Variants in FGB observed in about 807,000 individuals in gnomAD.
The protein encoded by FGB is beta-fibrinogen.
FGB carries 25 observed loss-of-function variants against 57.9 expected under a neutral mutation model. The observed-to-expected ratio is 0.43, with a 90% CI of 0.31 to 0.60. FGB has a LOEUF of 0.60. FGB is among the 20% of genes least tolerant of loss of function. FGB has a pLI of 0.08. For missense variants in FGB, 536 were observed against 598.4 expected, an observed-to-expected ratio of 0.90 and a Z score of 1.09; for synonymous variants, 203 against 199.2, an observed-to-expected ratio of 1.02 and a Z score of -0.16.
At chr4:154,564,483 A>G (rs1165146890) in intron 1 of FGB, among the ~76,000 whole-genome samples, 1 of 152,162 alleles carries the variant, frequency 6.6e-6, no homozygotes, top group Non-Finnish European at 1.5e-5. Context: ...ATATGTATAT[A>G]TCCTCCGAAT....
In FGB at chr4:154,570,578, G is replaced by T; in HGVS notation, c.1404G>T (p.Met468Ile). Reference protein sequence around the residue: ...KHGTDDGVVWMNWKGSWYSMR... With the variant: ...KHGTDDGVVWINWKGSWYSMR... ...GCACAGATGATGGTGTAGTATGGATGAATTGGAAGGGGTCATGGTACTCAA... is the reference window on the plus strand; with the variant it reads ...GCACAGATGATGGTGTAGTATGGATTAATTGGAAGGGGTCATGGTACTCAA... Residue 468 changes from methionine (M) to isoleucine (I), a missense_variant, in exon 8 of 8, where the codon ATG becomes ATT. By Grantham distance (10) the Met-to-Ile change is conservative. Coordinates refer to ENST00000302068, the MANE Select transcript of FGB (RefSeq NM_005141.5). 3 of 1,614,174 alleles carry T rather than the reference G, an allele frequency of 1.9e-6. No individual in the cohort carries two copies. Among genetic ancestry groups the T allele is most frequent in the Non-Finnish European group, 2.5e-6 (3 of 1,180,020 alleles).
At position 154,571,926 on chromosome 4, in the gene FGB, A is replaced by G. The variant is rs546665672; in HGVS notation, c.*1276A>G. The stretch of plus-strand genomic sequence containing the variant: ...TAATTTCTGTCTTGGAAATGCTACT[A>G]CTCTCTTTAATTACTCACCAAATCC... On this transcript the variant is annotated 3_prime_UTR_variant, in exon 8 of 8. Transcript: ENST00000302068. Among the ~76,000 whole-genome samples, 1 of 151,600 alleles carries G rather than the reference A, an allele frequency of 6.6e-6. No homozygotes were observed. The highest frequency in any genetic ancestry group is 1.9e-4 in the East Asian group (1 of 5,138).
rs536572171 is a variant in FGB, at chr4:154,564,780, T to C, written c.115-1028T>C. Among the ~76,000 whole-genome samples, 6 of 152,180 alleles carry C rather than the reference T, an allele frequency of 3.9e-5. No individual in the cohort carries two copies. The East Asian group carries it at 1.2e-3, about 29-fold the overall frequency. On this transcript the variant is annotated intron_variant, in intron 1 of 7. Coordinates refer to ENST00000302068, the MANE Select transcript of FGB (RefSeq NM_005141.5). ...ACTGACAAAAAAAAAAATGAGAATG[T>C]AGTTAATCCAAATCAAAACTTTCCT...
Position 154,570,641 on chromosome 4 carries a change from A to G in FGB, c.1467A>G (p.Pro489=). ...GTATGAAGATCAGGCCCTTCTTCCC[A>G]CAGCAATAGTCCCCAATACGTAGAT... ...KMSMKIRPFF[P]QQ is the part of the protein sequence containing the mutation. The change falls in exon 8 of 8, where the codon CCA becomes CCG. Residue 489 remains proline, a synonymous_variant. Transcript: ENST00000302068. 1 of 1,612,576 alleles carries G rather than the reference A, an allele frequency of 6.2e-7. No individual in the cohort carries two copies. The highest frequency in any genetic ancestry group is 1.1e-5 in the South Asian group (1 of 91,052).
chr4:154,564,715 G>A (rs1476339162), intron 1 of FGB, among the ~76,000 whole-genome samples: 1 of 151,548 alleles, frequency 6.6e-6, no homozygotes, highest in Admixed American at 6.6e-5. Context: ...AAATCATGTC[G>A]TTTGTTAATT....
chr4:154,570,481 G>T lies in FGB; in HGVS notation c.1307G>T (p.Arg436Ile). 1 of 1,614,150 alleles carries T rather than the reference G, an allele frequency of 6.2e-7. No homozygotes were observed. The highest frequency in any genetic ancestry group is 8.5e-7 in the Non-Finnish European group (1 of 1,180,026). ...KEDGGGWWYN[R>I]CHAANPNGRY... ...GACGGTGGTGGATGGTGGTATAATA[G>T]ATGTCATGCAGCCAATCCAAACGGC... The change falls in exon 8 of 8, where the codon AGA (arginine) becomes ATA (isoleucine). Residue 436 changes from arginine to isoleucine, a missense_variant. Arg to Ile is a moderately conservative substitution (Grantham distance 97). Around this residue, in one of 3 missense-constraint regions of FGB, gnomAD observed 177 missense variants for 193.7 expected, o/e 0.91. Coordinates refer to ENST00000302068, the MANE Select transcript of FGB (RefSeq NM_005141.5).
rs1730389489 is a variant in FGB, at chr4:154,570,712, G to T, written c.*62G>T. 1 of 1,307,540 alleles carries T rather than the reference G, an allele frequency of 7.6e-7. No homozygotes were observed. Among genetic ancestry groups the T allele is most frequent in the Non-Finnish European group, 1.1e-6 (1 of 908,482 alleles). The allele number at this position is 1,307,540 out of a possible 1,614,324, so 81.0% of individuals were successfully genotyped here. On this transcript the variant is annotated 3_prime_UTR_variant, in exon 8 of 8. Coordinates refer to ENST00000302068, the MANE Select transcript of FGB (RefSeq NM_005141.5). ...CAACATTTTTGTACATTATGTTATT[G>T]GAATTTTCTTTCATACATTATATTC...
chr4:154,568,668 A>C (rs1157624332), intron 5 of FGB, among the ~76,000 whole-genome samples, 174 bp downstream of exon 5: 1 of 143,444 alleles, frequency 7.0e-6, no homozygotes, highest in Non-Finnish European at 1.5e-5. Flanking sequence ...CAACATAATG[A>C]GACCCTAACT....
chr4:154,563,048 C>G lies in FGB; in HGVS notation c.30C>G (p.His10Gln), dbSNP rs1730012638. ...AAAGGATGGTTTCTTGGAGCTTCCA[C>G]AAACTTAAAACCATGAAACATCTAT... MKRMVSWSF[H>Q]KLKTMKHLLL... is the part of the protein sequence containing the mutation. Residue 10 changes from histidine (H) to glutamine (Q), a missense_variant, in exon 1 of 8, where the codon CAC becomes CAG. By Grantham distance (24) the His-to-Gln change is conservative. Around this residue, in one of 3 missense-constraint regions of FGB, gnomAD observed 354 missense variants for 383.4 expected, o/e 0.92. Coordinates refer to ENST00000302068, the MANE Select transcript of FGB (RefSeq NM_005141.5). The G allele has an allele frequency of 2.6e-6, 4 of 1,567,098 alleles. No homozygotes were observed. Among genetic ancestry groups the G allele is most frequent in the East Asian group, 2.3e-5 (1 of 42,830 alleles).
chr4:154,568,161 G>C (rs1220397471), intron 4 of FGB, among the ~76,000 whole-genome samples: 1 of 152,174 alleles, frequency 6.6e-6, no homozygotes, highest in Non-Finnish European at 1.5e-5. Flanking sequence ...ACAAAAGGTG[G>C]AGAAGAGCTT....
intron 1 of FGB, among the ~76,000 whole-genome samples, chr4:154,564,769 AAAT>A (rs1430602050): frequency 6.6e-6 from 1 of 152,118 alleles, no homozygotes; most frequent in Non-Finnish European, 1.5e-5. Flanking sequence ...ACAAAAAAAA[AAAT>A]GAGAATGTAG....
At chr4:154,568,667 G>A (rs920321664) in intron 5 of FGB, among the ~76,000 whole-genome samples, 173 bp downstream of exon 5, 8 of 129,388 alleles carry the variant, frequency 6.2e-5, no homozygotes, top group African/African-American at 2.4e-4. Flanking sequence ...GCAACATAAT[G>A]AGACCCTAAC....
At chr4:154,568,858 A>G (rs1443728235) in intron 5 of FGB, among the ~76,000 whole-genome samples, 1 of 150,880 alleles carries the variant, frequency 6.6e-6, no homozygotes, top group Admixed American at 6.6e-5. Flanking sequence ...TCCTGTCTCA[A>G]AAAAAAAAAT....
chr4:154,566,758 A>G (rs987818339), intron 3 of FGB, 86 bp downstream of exon 3: 20 of 1,327,170 alleles, frequency 1.5e-5, no homozygotes, highest in Non-Finnish European at 2.0e-5. Flanking sequence ...TTGTGAGAAG[A>G]TTAACATTTC....
intron 4 of FGB, among the ~76,000 whole-genome samples, chr4:154,568,087 C>A (rs1414643759): frequency 1.3e-5 from 2 of 152,096 alleles, no homozygotes; most frequent in Non-Finnish European, 2.9e-5. Context: ...GATGGCAGAA[C>A]CACAGATAGA....
chr4:154,568,061 C>G (rs936638451), intron 4 of FGB, among the ~76,000 whole-genome samples: 1 of 152,102 alleles, frequency 6.6e-6, no homozygotes, highest in Non-Finnish European at 1.5e-5. Flanking sequence ...TGTGCATCTG[C>G]GTACTGGCTT....
rs1315666345 is a variant in FGB, at chr4:154,569,788, C to T, written c.1233C>T (p.Asp411=). Residue 411 remains aspartate, a synonymous_variant, in exon 7 of 8, where the codon GAC becomes GAT. Transcript: ENST00000302068. ...NGMFFSTYDR[D]NDGWLTSDPR... is the part of the protein sequence containing the mutation. ...TGTTCTTCAGCACGTATGACAGAGA[C>T]AATGACGGCTGGTATGTGTGGCACT... The T allele has an allele frequency of 3.1e-6, 5 of 1,614,154 alleles. No individual in the cohort carries two copies. In the South Asian group the frequency reaches 5.5e-5, roughly 18 times the overall value.
intron 5 of FGB, 132 bp downstream of exon 5, chr4:154,568,626 G>A: frequency 1.5e-6 from 1 of 678,736 alleles, no homozygotes; most frequent in Admixed American, 2.0e-5. Context: ...TGGGCTGATA[G>A]CTTGAGCCTA....
intron 5 of FGB, 89 bp from the exon 6 acceptor site, chr4:154,569,093 G>A: frequency 7.3e-7 from 1 of 1,372,218 alleles, no homozygotes; most frequent in Non-Finnish European, 1.0e-6. Context: ...TATACTAAAT[G>A]GAATGGACAG....
Sources: allele counts gnomAD v4.1 joint callset (sites outside exome capture counted in the v4.1 genomes callset), GRCh38; gene constraint gnomAD v4.1.1; regional missense constraint gnomAD v4.1.1; transcripts MANE v1.5; gene names NCBI Gene and HGNC (gene_info 2026-07-23, HGNC 2026-07-21).